Variants in SDC2 observed in about 807,000 individuals in gnomAD.
SDC2 encodes the protein syndecan 2, also known as syndecan-2.
Under a neutral mutation model 22.2 loss-of-function variants are expected in SDC2, and 13 were observed. That is an observed-to-expected ratio of 0.59 (90% CI 0.38 to 0.93). SDC2 has a LOEUF of 0.93. Ranked by LOEUF, SDC2 falls within the 40% of genes least tolerant of loss-of-function variation. The pLI is 0.00. For missense variants in SDC2, 235 were observed against 246.8 expected (o/e 0.95, Z 0.32); for synonymous variants, 94 against 92.8 (o/e 1.01, Z -0.07).
intron 1 of SDC2, among the ~76,000 whole-genome samples, chr8:96,576,845 C>T (rs993796155): frequency 5.3e-5 from 8 of 152,182 alleles, no homozygotes; most frequent in Non-Finnish European, 1.5e-5. Flanking sequence ...AAAACACAAT[C>T]TCACCTAAGA....
intron 1 of SDC2, among the ~76,000 whole-genome samples, chr8:96,552,763 A>G (rs1434961652): frequency 2.6e-5 from 4 of 152,202 alleles, no homozygotes; most frequent in Admixed American, 2.0e-4. Context: ...TAGAAGGAAT[A>G]CTTTAAAATT....
intron 1 of SDC2, among the ~76,000 whole-genome samples, chr8:96,533,440 A>T (rs1017449255): frequency 6.6e-6 from 1 of 152,186 alleles, no homozygotes; most frequent in Non-Finnish European, 1.5e-5. Flanking sequence ...TCCTCACTAG[A>T]TTAGCTAGAC....
At chr8:96,607,725 G>A (rs1815105965) in intron 3 of SDC2, among the ~76,000 whole-genome samples, 1 of 152,152 alleles carries the variant, frequency 6.6e-6, no homozygotes, top group South Asian at 2.1e-4. Flanking sequence ...AGGAAATCAA[G>A]GTGGAGAAAA....
In SDC2 at chr8:96,494,137, C is replaced by A. The variant is rs1356994466; in HGVS notation, c.-135C>A. 2 of 880,654 alleles carry A rather than the reference C, an allele frequency of 2.3e-6. No homozygotes were observed. Among genetic ancestry groups the A allele is most frequent in the Admixed American group, 6.3e-5 (2 of 31,944 alleles). The allele number at this position is 880,654 out of a possible 1,614,324, so 54.6% of individuals were successfully genotyped here. ...GCGCCCCCGAGCCCCGAGCCCGAGTCCCCGAGCCTGAGCCGCAATCGCTGC... is the reference window on the plus strand; with the variant it reads ...GCGCCCCCGAGCCCCGAGCCCGAGTACCCGAGCCTGAGCCGCAATCGCTGC... On this transcript the variant is annotated 5_prime_UTR_variant, in exon 1 of 5. Coordinates refer to ENST00000302190, the MANE Select transcript of SDC2 (RefSeq NM_002998.4).
At chr8:96,553,118 C>G (rs1051638418) in intron 1 of SDC2, among the ~76,000 whole-genome samples, 1 of 152,118 alleles carries the variant, frequency 6.6e-6, no homozygotes, top group Middle Eastern at 3.4e-3. Context: ...GGAGAAATTA[C>G]CGAAAGGCAT....
intron 1 of SDC2, among the ~76,000 whole-genome samples, chr8:96,572,970 T>G (rs1234666301): frequency 1.3e-5 from 2 of 152,204 alleles, no homozygotes; most frequent in African/African-American, 4.8e-5. Context: ...GACCACCAGC[T>G]TAGTTATGAC....
chr8:96,558,991 G>A (rs1441609848), intron 1 of SDC2, among the ~76,000 whole-genome samples: 1 of 152,152 alleles, frequency 6.6e-6, no homozygotes, highest in Non-Finnish European at 1.5e-5. Flanking sequence ...TGCCAGTGGA[G>A]GAGCTGGCTT....
At chr8:96,507,567 T>C (rs1813261407) in intron 1 of SDC2, among the ~76,000 whole-genome samples, 1 of 152,176 alleles carries the variant, frequency 6.6e-6, no homozygotes, top group Admixed American at 6.5e-5. Flanking sequence ...GAAATAGAGT[T>C]GATTTGTAAG....
chr8:96,544,786 T>C (rs1287192307), intron 1 of SDC2, among the ~76,000 whole-genome samples: 1 of 152,158 alleles, frequency 6.6e-6, no homozygotes, highest in Non-Finnish European at 1.5e-5. Context: ...AGATATGAGG[T>C]GATTGTAGAT....
chr8:96,501,454 C>T (rs1225263113), intron 1 of SDC2, among the ~76,000 whole-genome samples: 2 of 151,514 alleles, frequency 1.3e-5, no homozygotes, highest in African/African-American at 2.4e-5. Flanking sequence ...ACAGTGCACA[C>T]CACCACGCCT....
At chr8:96,566,119 T>C (rs1814295556) in intron 1 of SDC2, among the ~76,000 whole-genome samples, 1 of 152,230 alleles carries the variant, frequency 6.6e-6, no homozygotes. Flanking sequence ...GTGTTCTTCC[T>C]GTCATAGATG....
chr8:96,556,816 C>CT (rs1814122694), intron 1 of SDC2, among the ~76,000 whole-genome samples: 1 of 151,340 alleles, frequency 6.6e-6, no homozygotes, highest in South Asian at 2.1e-4. Context: ...GCAAAAGAAA[C>CT]TACCATCAGA....
At chr8:96,502,236 A>T (rs1813177251) in intron 1 of SDC2, among the ~76,000 whole-genome samples, 1 of 152,104 alleles carries the variant, frequency 6.6e-6, no homozygotes, top group South Asian at 2.1e-4. Context: ...CATTTATGAA[A>T]CCACCAGATC....
intron 1 of SDC2, among the ~76,000 whole-genome samples, chr8:96,541,745 A>C (rs1813854302): frequency 6.6e-6 from 1 of 152,182 alleles, no homozygotes; most frequent in Non-Finnish European, 1.5e-5. Flanking sequence ...TAGTTTTTTG[A>C]GATGAAAAGA....
chr8:96,532,412 G>GTTTTTTTT lies in SDC2; in HGVS notation c.60+38097_60+38104dup, dbSNP rs35452131. Reference sequence around the variant, plus strand: ...CCTGAGTCTCTCTGCTTATTGAGGCGTTTTTTTTTTTTTTTTTTTTTTTGG... The same window carrying GTTTTTTTT: ...CCTGAGTCTCTCTGCTTATTGAGGCGTTTTTTTTTTTTTTTTTTTTTTTTTTTTTTTGG... On this transcript the variant is annotated intron_variant, in intron 1 of 4. Transcript: ENST00000302190. Among the ~76,000 whole-genome samples the GTTTTTTTT allele has an allele frequency of 7.2e-3, 347 of 47,932 alleles. 31 individuals carry two copies. The highest frequency in any genetic ancestry group is 0.034 in the African/African-American group (323 of 9,544). The allele number at this position is 47,932 out of a possible 152,430, so 31.4% of individuals were successfully genotyped here.
chr8:96,566,323 A>T (rs1483714360), intron 1 of SDC2, among the ~76,000 whole-genome samples: 1 of 152,196 alleles, frequency 6.6e-6, no homozygotes, highest in African/African-American at 2.4e-5. Context: ...ACCTCTAAAT[A>T]TTTCTTGACT....
rs1813329351 is a variant in SDC2, at chr8:96,511,584, G to A, written c.60+17253G>A. Among the ~76,000 whole-genome samples, 3 of 152,152 alleles carry A rather than the reference G, an allele frequency of 2.0e-5. No homozygotes were observed. The South Asian group carries it at 6.2e-4, about 32-fold the overall frequency. On this transcript the variant is annotated intron_variant, in intron 1 of 4. Transcript: ENST00000302190. The stretch of plus-strand genomic sequence containing the variant: ...GCTGTTTTGGCTTCTGCCTGGCAGT[G>A]ACTCAGGGAAGCAATCACTGGGGGC...
At position 96,593,218 on chromosome 8, in the gene SDC2, TAGG is replaced by T. The variant is rs1390273617; in HGVS notation, c.61-259_61-257del. Among the ~76,000 whole-genome samples, 5 of 152,220 alleles carry T rather than the reference TAGG, an allele frequency of 3.3e-5. No individual in the cohort carries two copies. In the South Asian group the frequency reaches 6.2e-4, roughly 19 times the overall value. ...GGAATGCAACAAAATAAGCCCAAGA[TAGG>T]AGTTTAGATCTCCGAAATGTTTTCA... On this transcript the variant is annotated intron_variant, in intron 1 of 4. Coordinates refer to ENST00000302190, the MANE Select transcript of SDC2 (RefSeq NM_002998.4).
In SDC2 at chr8:96,508,067, C is replaced by T. The variant is rs142598738; in HGVS notation, c.60+13736C>T. ...ATCCCAGCACTTTGGGAGGCCGAGG[C>T]GGGTGGATCACGAGGCCAGGAGATC... On this transcript the variant is annotated intron_variant, in intron 1 of 4. Transcript: ENST00000302190. Among the ~76,000 whole-genome samples, 382 of 152,152 alleles carry T rather than the reference C, an allele frequency of 2.5e-3. 6 individuals are homozygous for T. In the East Asian group the frequency reaches 0.033, roughly 13 times the overall value.
Sources: allele counts gnomAD v4.1 joint callset (sites outside exome capture counted in the v4.1 genomes callset), GRCh38; gene constraint gnomAD v4.1.1; transcripts MANE v1.5; gene names NCBI Gene and HGNC (gene_info 2026-07-23, HGNC 2026-07-21).